The following SPTA1 variants were observed in gnomAD, a reference collection of about 807,000 sequenced individuals.
The protein encoded by SPTA1 is spectrin alpha chain, erythrocytic 1.
SPTA1 carries 177 observed loss-of-function variants against 324.7 expected under a neutral mutation model. That is an observed-to-expected ratio of 0.55 (90% CI 0.48 to 0.62). The LOEUF (loss-of-function observed/expected upper bound fraction) is 0.62. Ranked by LOEUF, SPTA1 falls within the 20% of genes least tolerant of loss-of-function variation. SPTA1 has a pLI of 0.00. For missense variants in SPTA1, 3,162 were observed against 2,883.6 expected (o/e 1.10, Z -2.21); for synonymous variants, 1,195 against 1,041.3 (o/e 1.15, Z -2.84).
intron 23 of SPTA1, 89 bp downstream of exon 23, chr1:158,652,378 G>A (rs1652507026): frequency 7.1e-7 from 1 of 1,414,080 alleles, no homozygotes; most frequent in African/African-American, 1.4e-5. Context: ...TATTTAACAA[G>A]TGTGAAATAA....
chr1:158,686,692 A>C lies in SPTA1; in HGVS notation c.-175T>G. 12 of 563,484 alleles carry C rather than the reference A, an allele frequency of 2.1e-5. No homozygotes were observed. Among genetic ancestry groups the C allele is most frequent in the African/African-American group, 1.9e-5 (1 of 53,064 alleles). 34.9% of individuals were successfully genotyped at this position (563,484 alleles called of 1,614,324 possible). A position where few individuals can be genotyped will look rare whatever the true frequency, so the allele number is the denominator to read the frequency against. On this transcript the variant is annotated 5_prime_UTR_variant, in exon 1 of 52. Transcript: ENST00000643759. ...CCTAGAATCCCATCAGCCATACACA[A>C]TCGACATTATCTTTAGAAGACATAC...
At position 158,680,554 on chromosome 1, in the gene SPTA1, A is replaced by G; in HGVS notation, c.678+29T>C. 2.5e-6 allele frequency: 4 copies of G among 1,613,354 alleles called. No homozygotes were observed. In the South Asian group the frequency reaches 4.4e-5, roughly 18 times the overall value. On this transcript the variant is annotated intron_variant, in intron 5 of 51. Coordinates refer to ENST00000643759, the MANE Select transcript of SPTA1 (RefSeq NM_003126.4). ...ATTCTTAAGGATAAGAACCCTTTGC[A>G]CGGAGTGAATATTTTGCTCCCACCT... is the stretch of plus-strand genomic sequence containing the variant.
chr1:158,658,872 G>A (rs959847489), intron 18 of SPTA1, among the ~76,000 whole-genome samples: 1 of 152,084 alleles, frequency 6.6e-6, no homozygotes, highest in Non-Finnish European at 1.5e-5. Context: ...GAAAGAAGTT[G>A]TCAACCAAGA....
chr1:158,655,088 C>T (rs760364821), intron 20 of SPTA1, among the ~76,000 whole-genome samples: 5 of 152,168 alleles, frequency 3.3e-5, no homozygotes, highest in Non-Finnish European at 7.4e-5. Flanking sequence ...GGATTATACA[C>T]ATCAACATTT....
At chr1:158,662,158 G>T (rs1211406015) in intron 17 of SPTA1, among the ~76,000 whole-genome samples, 2 of 152,020 alleles carry the variant, frequency 1.3e-5, no homozygotes, top group African/African-American at 4.8e-5. Flanking sequence ...TGTCCTCATT[G>T]TCCAGCCTTT....
rs780158894 is a variant in SPTA1, at chr1:158,644,234, C to G, written c.4338+19G>C. 3.0e-5 allele frequency: 48 copies of G among 1,613,120 alleles called. No individual in the cohort carries two copies. The Admixed American group carries it at 3.5e-4, about 12-fold the overall frequency. ...TTACTACGGATTATTATTTTAATTC[C>G]TTTACTAGTCATTATTACCTGGGCA... On this transcript the variant is annotated intron_variant, in intron 30 of 51. Transcript: ENST00000643759.
Position 158,645,565 on chromosome 1 carries a change from C to T in SPTA1, c.3926G>A (p.Gly1309Asp). 1 of 1,613,994 alleles carries T rather than the reference C, an allele frequency of 6.2e-7. No individual in the cohort carries two copies. The highest frequency in any genetic ancestry group is 8.5e-7 in the Non-Finnish European group (1 of 1,179,918). Reference protein sequence around the residue: ...RDLQNWISSIGGMVSSQELAE... With the variant: ...RDLQNWISSIDGMVSSQELAE... ...CAGCTCCTGTGATGATACCATGCCACCAATGCTACTGATCCAGTTCTGCAG... is the reference window on the plus strand; with the variant it reads ...CAGCTCCTGTGATGATACCATGCCATCAATGCTACTGATCCAGTTCTGCAG... Residue 1309 changes from glycine (G) to aspartate (D), a missense_variant, in exon 28 of 52, where the codon GGT becomes GAT. Gly to Asp is a moderately conservative substitution (Grantham distance 94). Coordinates refer to ENST00000643759, the MANE Select transcript of SPTA1 (RefSeq NM_003126.4).
chr1:158,680,593 T>C lies in SPTA1; in HGVS notation c.668A>G (p.Glu223Gly), dbSNP rs1262080583. 6.2e-7 allele frequency: 1 copy of C among 1,613,862 alleles called. No homozygotes were observed. The highest frequency in any genetic ancestry group is 1.7e-5 in the Admixed American group (1 of 59,988). ...TTGCTCCCACCTCACCTCGGCACAC[T>C]CATTGGCATATTGGTTCACTTCAAC... ...RVVEVNQYAN[E>G]CAEENHPDLP... Residue 223 changes from glutamate (E) to glycine (G), a missense_variant, in exon 5 of 52, where the codon GAG becomes GGG. Physicochemically the swap from Glu to Gly is moderately conservative, Grantham distance 98 (BLOSUM62 -2). Coordinates refer to ENST00000643759, the MANE Select transcript of SPTA1 (RefSeq NM_003126.4).
At chr1:158,637,461 T>C (rs1170445231) in intron 36 of SPTA1, among the ~76,000 whole-genome samples, 1 of 152,250 alleles carries the variant, frequency 6.6e-6, no homozygotes, top group Admixed American at 6.5e-5. Context: ...TTCCAAATCA[T>C]ATTTTACAAC....
At chr1:158,667,460 A>G (rs1653689635) in intron 15 of SPTA1, among the ~76,000 whole-genome samples, 1 of 152,190 alleles carries the variant, frequency 6.6e-6, no homozygotes, top group South Asian at 2.1e-4. Flanking sequence ...GACATCAACA[A>G]TCTTTTAATG....
At chr1:158,674,482 C>A in intron 9 of SPTA1, 52 bp from the exon 10 acceptor site, 3 of 1,614,052 alleles carry the variant, frequency 1.9e-6, no homozygotes, top group Non-Finnish European at 2.5e-6. Flanking sequence ...CCTGGCATTT[C>A]TGGCATTCAG....
Position 158,638,245 on chromosome 1 carries a change from G to C in SPTA1, c.4981-4C>G. 1.9e-6 allele frequency: 3 copies of C among 1,610,266 alleles called. No individual in the cohort carries two copies. The highest frequency in any genetic ancestry group is 2.5e-6 in the Non-Finnish European group (3 of 1,179,700). On this transcript the variant is annotated splice_region_variant and splice_polypyrimidine_tract_variant and intron_variant, in intron 35 of 51. Transcript: ENST00000643759. ...TATTCAGGTCCTTGAGTGCATCCTA[G>C]AAAGTCTCGGGATACTCAGTGAATA...
In SPTA1 at chr1:158,620,234, G is replaced by C; in HGVS notation, c.6353C>G (p.Pro2118Arg). Reference protein sequence around the residue: ...QIKALGVPSSPYTWLTVEVLE... With the variant: ...QIKALGVPSSRYTWLTVEVLE... ...CACCTCCACTGTTAACCAGGTATAA[G>C]GGCTGGAAGGCACACCTAAGGCCTT... is the stretch of plus-strand genomic sequence containing the variant. The change falls in exon 44 of 52, where the codon CCT becomes CGT. Residue 2118 changes from proline (P) to arginine (R), a missense_variant. Transcript: ENST00000643759. 6.2e-7 allele frequency: 1 copy of C among 1,614,114 alleles called. No homozygotes were observed. The highest frequency in any genetic ancestry group is 8.5e-7 in the Non-Finnish European group (1 of 1,180,006).
At position 158,611,252 on chromosome 1, in the gene SPTA1, A is replaced by C; in HGVS notation, c.*12T>G. 2 of 1,613,344 alleles carry C rather than the reference A, an allele frequency of 1.2e-6. No homozygotes were observed. Among genetic ancestry groups the C allele is most frequent in the Non-Finnish European group, 1.7e-6 (2 of 1,179,542 alleles). ...ACACTAAGATTTTCTACGATCCACGAGGAGCTGCTTATTAGTTGCCAAAGT... is the reference window on the plus strand; with the variant it reads ...ACACTAAGATTTTCTACGATCCACGCGGAGCTGCTTATTAGTTGCCAAAGT... On this transcript the variant is annotated 3_prime_UTR_variant, in exon 52 of 52. Coordinates refer to ENST00000643759, the MANE Select transcript of SPTA1 (RefSeq NM_003126.4).
At position 158,645,191 on chromosome 1, in the gene SPTA1, C is replaced by A. The variant is rs887330312; in HGVS notation, c.4191G>T (p.Leu1397Phe). 3 of 1,613,684 alleles carry A rather than the reference C, an allele frequency of 1.9e-6. No individual in the cohort carries two copies. Among genetic ancestry groups the A allele is most frequent in the Non-Finnish European group, 2.5e-6 (3 of 1,179,772 alleles). The change falls in exon 29 of 52, where the codon TTG (leucine) becomes TTT (phenylalanine). Residue 1397 changes from leucine to phenylalanine, a missense_variant. Coordinates refer to ENST00000643759, the MANE Select transcript of SPTA1 (RefSeq NM_003126.4). ...RKKILDQCLE[L>F]QMFQGNCDQV... ...ACAATTGGGAAATTTGCTGTACCTGCAACTCCAGGCACTGGTCTAGGATCT... is the reference window on the plus strand; with the variant it reads ...ACAATTGGGAAATTTGCTGTACCTGAAACTCCAGGCACTGGTCTAGGATCT...
intron 44 of SPTA1, among the ~76,000 whole-genome samples, chr1:158,619,703 G>A (rs1649789497): frequency 6.6e-6 from 1 of 152,126 alleles, no homozygotes; most frequent in Non-Finnish European, 1.5e-5. Context: ...ATCTAAAAAT[G>A]GTGATATTGT....
At chr1:158,622,632 T>G in intron 43 of SPTA1, 1 of 292,136 alleles carries the variant, frequency 3.4e-6, no homozygotes. Context: ...ACTTGTCCAG[T>G]GCTCCTTTTA....
chr1:158,628,922 C>T (rs1650478992), intron 39 of SPTA1, among the ~76,000 whole-genome samples: 1 of 151,968 alleles, frequency 6.6e-6, no homozygotes, highest in Non-Finnish European at 1.5e-5. Flanking sequence ...ACTGTGGAGA[C>T]TGAATCAGAA....
At position 158,661,325 on chromosome 1, in the gene SPTA1, T is replaced by G. The variant is rs780720419; in HGVS notation, c.2549A>C (p.Gln850Pro). Residue 850 changes from glutamine (Q) to proline (P), a missense_variant, in exon 18 of 52, where the codon CAA becomes CCA. Gln to Pro is a moderately conservative substitution (Grantham distance 76). Transcript: ENST00000643759. ...TTTGTTTCCCCTTTCTGTTATCTCT[T>G]GAATGCGTGGTTCATGGCTGGCAAT... ...ENIASHEPRIQEITERGNKMV... is the reference protein window; with the variant it reads ...ENIASHEPRIPEITERGNKMV... The G allele has an allele frequency of 1.9e-6, 3 of 1,613,956 alleles. No individual in the cohort carries two copies. Among genetic ancestry groups the G allele is most frequent in the Non-Finnish European group, 2.5e-6 (3 of 1,179,896 alleles).
Sources: gnomAD v4.1 joint callset for allele counts (sites outside exome capture counted in the v4.1 genomes callset) on GRCh38, gnomAD v4.1.1 for gene constraint, MANE v1.5 for transcripts, NCBI Gene and HGNC (gene_info 2026-07-23, HGNC 2026-07-21) for gene names.